Variants in PTPRD observed in about 807,000 individuals in gnomAD.
PTPRD encodes receptor-type tyrosine-protein phosphatase delta.
PTPRD carries 34 observed loss-of-function variants against 214.5 expected under a neutral mutation model. That is an observed-to-expected ratio of 0.16 (90% CI 0.12 to 0.21). PTPRD has a LOEUF of 0.21. PTPRD is among the 10% of genes least tolerant of loss of function. PTPRD has a pLI of 1.00. For synonymous variants in PTPRD, 1,128 were observed against 845.7 expected, an observed-to-expected ratio of 1.33 and a Z score of -5.79; for missense variants, 2,545 against 2,398.7, an observed-to-expected ratio of 1.06 and a Z score of -1.27.
At chr9:9,406,913 T>C (rs1204396858) in intron 8 of PTPRD, among the ~76,000 whole-genome samples, 1 of 151,526 alleles carries the variant, frequency 6.6e-6, no homozygotes, top group Non-Finnish European at 1.5e-5. Flanking sequence ...TTGTCTATTA[T>C]AATGCTGAGC....
At chr9:8,754,731 A>G (rs569220103) in intron 11 of PTPRD, among the ~76,000 whole-genome samples, 2 of 42,948 alleles carry the variant, frequency 4.7e-5, no homozygotes, top group South Asian at 3.5e-3. Flanking sequence ...ATAAATTTCA[A>G]TTAATTAAAA....
At chr9:9,802,148 C>T (rs969815875) in intron 5 of PTPRD, among the ~76,000 whole-genome samples, 1 of 151,970 alleles carries the variant, frequency 6.6e-6, no homozygotes, top group Non-Finnish European at 1.5e-5. Context: ...CAGACACAGT[C>T]TGGTCCAGGT....
At chr9:10,085,071 G>T (rs2098311648) in intron 3 of PTPRD, among the ~76,000 whole-genome samples, 1 of 151,778 alleles carries the variant, frequency 6.6e-6, no homozygotes, top group Non-Finnish European at 1.5e-5. Flanking sequence ...GCTGGTACAT[G>T]AACATTCATT....
At chr9:10,429,164 A>G (rs1166075803) in intron 2 of PTPRD, among the ~76,000 whole-genome samples, 7 of 152,032 alleles carry the variant, frequency 4.6e-5, no homozygotes. Flanking sequence ...AATAATGCCA[A>G]ACTTAACACA....
intron 4 of PTPRD, among the ~76,000 whole-genome samples, chr9:9,968,224 G>C (rs1408652561): frequency 2.6e-5 from 4 of 152,160 alleles, no homozygotes; most frequent in African/African-American, 7.2e-5. Flanking sequence ...TAGGACATTT[G>C]AAGGCCACAG....
At chr9:8,829,400 T>G (rs1298090835) in intron 11 of PTPRD, among the ~76,000 whole-genome samples, 1 of 152,220 alleles carries the variant, frequency 6.6e-6, no homozygotes, top group Non-Finnish European at 1.5e-5. Context: ...CCCTTTTGTT[T>G]CTGGCTTCTT....
In PTPRD at chr9:9,114,222, G is replaced by C. The variant is rs186163230; in HGVS notation, c.-143+69082C>G. On this transcript the variant is annotated intron_variant, in intron 10 of 45. Coordinates refer to ENST00000381196, the MANE Select transcript of PTPRD (RefSeq NM_002839.4). ...CAATTACTCAGGTTTCTACAGGGTAGTTCGGGTGCAAACAGGGATGGGTAT... is the reference window on the plus strand; with the variant it reads ...CAATTACTCAGGTTTCTACAGGGTACTTCGGGTGCAAACAGGGATGGGTAT... Among the ~76,000 whole-genome samples, 116 of 152,310 alleles carry C rather than the reference G, an allele frequency of 7.6e-4. 1 individual carries two copies. Among genetic ancestry groups the C allele is most frequent in the African/African-American group, 2.5e-3 (106 of 41,582 alleles).
intron 7 of PTPRD, among the ~76,000 whole-genome samples, chr9:9,598,632 T>C (rs576756803): frequency 3.3e-5 from 5 of 152,060 alleles, no homozygotes; most frequent in Non-Finnish European, 7.4e-5. Context: ...TTTAAAGAAG[T>C]CTTACAATTT....
At chr9:9,312,848 C>G (rs1959758344) in intron 9 of PTPRD, among the ~76,000 whole-genome samples, 1 of 152,174 alleles carries the variant, frequency 6.6e-6, no homozygotes. Flanking sequence ...ACTCAGCAAG[C>G]CTGCCATACT....
At chr9:10,122,223 A>C (rs1454199164) in intron 3 of PTPRD, among the ~76,000 whole-genome samples, 2 of 151,996 alleles carry the variant, frequency 1.3e-5, no homozygotes. Flanking sequence ...CAGGAGAATC[A>C]CTTGAACCTG....
intron 5 of PTPRD, among the ~76,000 whole-genome samples, chr9:9,899,887 G>A (rs1342287230): frequency 6.6e-6 from 1 of 152,062 alleles, no homozygotes; most frequent in Admixed American, 6.6e-5. Context: ...CCAGTCACTT[G>A]TGACAACATA....
At chr9:9,961,087 T>G (rs112979020) in intron 4 of PTPRD, among the ~76,000 whole-genome samples, 2,308 of 151,836 alleles carry the variant, frequency 0.015, 59 homozygotes, top group African/African-American at 0.052. Flanking sequence ...ACACCATATC[T>G]CCTTTCAAAT....
At chr9:8,937,714 T>C (rs934199866) in intron 11 of PTPRD, among the ~76,000 whole-genome samples, 1 of 152,212 alleles carries the variant, frequency 6.6e-6, no homozygotes, top group Non-Finnish European at 1.5e-5. Flanking sequence ...TTCCTCCTCC[T>C]TCTTACAAAA....
At chr9:9,781,441 C>T (rs1164507451) in intron 5 of PTPRD, among the ~76,000 whole-genome samples, 1 of 152,048 alleles carries the variant, frequency 6.6e-6, no homozygotes, top group East Asian at 1.9e-4. Context: ...AAAAGAAAGA[C>T]AACGGTGACA....
chr9:9,515,409 G>A (rs141783108), intron 8 of PTPRD, among the ~76,000 whole-genome samples: 173 of 152,180 alleles, frequency 1.1e-3, no homozygotes, highest in Middle Eastern at 3.4e-3. Context: ...TGCAGAGAAT[G>A]AGGATAACTA....
chr9:8,327,423 T>C (rs955347231), intron 44 of PTPRD, among the ~76,000 whole-genome samples: 2 of 152,146 alleles, frequency 1.3e-5, no homozygotes, highest in Non-Finnish European at 2.9e-5. Context: ...TTCTGTTCTT[T>C]TGCATTTGCT....
At chr9:8,954,437 A>G (rs559409214) in intron 11 of PTPRD, among the ~76,000 whole-genome samples, 1 of 152,034 alleles carries the variant, frequency 6.6e-6, no homozygotes, top group East Asian at 1.9e-4. Flanking sequence ...CCCAAACTTC[A>G]GCATCACAAA....
intron 7 of PTPRD, among the ~76,000 whole-genome samples, chr9:9,667,158 G>A (rs1485515733): frequency 6.6e-6 from 1 of 151,836 alleles, no homozygotes; most frequent in Non-Finnish European, 1.5e-5. Flanking sequence ...GATTACTCAT[G>A]GCTGTGACCC....
intron 2 of PTPRD, among the ~76,000 whole-genome samples, chr9:10,388,765 A>G (rs1472322068): frequency 6.6e-6 from 1 of 151,802 alleles, no homozygotes; most frequent in Non-Finnish European, 1.5e-5. Context: ...CTTCCTCTTT[A>G]AAAGTAAAAT....
Sources: allele counts gnomAD v4.1 joint callset (sites outside exome capture counted in the v4.1 genomes callset), GRCh38; gene constraint gnomAD v4.1.1; transcripts MANE v1.5; gene names NCBI Gene and HGNC (gene_info 2026-07-23, HGNC 2026-07-21).